Variants in PRTG observed in about 807,000 individuals in gnomAD.
PRTG encodes protogenin, also known as immunoglobulin superfamily, DCC subclass, member 5.
PRTG carries 67 observed loss-of-function variants against 122.5 expected under a neutral mutation model. The observed-to-expected ratio is 0.55, with a 90% CI of 0.45 to 0.67. The LOEUF (loss-of-function observed/expected upper bound fraction) is 0.67. PRTG is among the 30% of genes least tolerant of loss of function. The pLI, the probability that PRTG is intolerant of heterozygous loss-of-function variation, is 0.00. For missense variants in PRTG, 1,435 were observed against 1,415.4 expected (o/e 1.01, Z -0.22); for synonymous variants, 554 against 501.1 (o/e 1.11, Z -1.41).
intron 1 of PRTG, among the ~76,000 whole-genome samples, chr15:55,741,795 G>A (rs62043906): frequency 6.6e-6 from 1 of 152,140 alleles, no homozygotes; most frequent in South Asian, 2.1e-4. Flanking sequence ...AGGGCGACGC[G>A]AGCCACCCTA....
intron 4 of PRTG, 64 bp downstream of exon 4, chr15:55,682,300 G>C: frequency 1.5e-6 from 2 of 1,319,388 alleles, no homozygotes; most frequent in Middle Eastern, 4.1e-4. Flanking sequence ...TACAGCAGAG[G>C]AGAAGAAGTA....
In PRTG at chr15:55,637,234, A is replaced by C; in HGVS notation, c.2559T>G (p.Tyr853Ter). ...PDGPETVVTR[Y>*]TILYASRKAW... ...CCTTCCTAGATGCATATAAGATAGT[A>C]TAGCGGGTCACAACTGTTTCTGGGC... The change falls in exon 15 of 20, where the codon TAT becomes TAG. Residue 853 changes from tyrosine to a stop codon, truncating the protein, a stop_gained. Transcript: ENST00000389286. LOFTEE classifies it high-confidence loss of function. 6.2e-7 allele frequency: 1 copy of C among 1,614,074 alleles called. No individual in the cohort carries two copies. Among genetic ancestry groups the C allele is most frequent in the South Asian group, 1.1e-5 (1 of 91,054 alleles).
chr15:55,639,202 T>C (rs531611961), intron 13 of PRTG, among the ~76,000 whole-genome samples: 2 of 152,172 alleles, frequency 1.3e-5, no homozygotes, highest in African/African-American at 4.8e-5. Flanking sequence ...CTTAAACTTC[T>C]GACTTAAGCA....
chr15:55,729,255 G>A (rs956255696), intron 2 of PRTG, among the ~76,000 whole-genome samples: 1 of 152,176 alleles, frequency 6.6e-6, no homozygotes, highest in Non-Finnish European at 1.5e-5. Context: ...CTAAGTGTAG[G>A]AAGACAATCA....
chr15:55,736,173 G>A (rs1295280341), intron 2 of PRTG, among the ~76,000 whole-genome samples: 2 of 151,754 alleles, frequency 1.3e-5, no homozygotes, highest in African/African-American at 4.8e-5. Context: ...CTTGAATTAG[G>A]CCAGGTAACT....
chr15:55,645,073 A>T (rs1040204651), intron 11 of PRTG, among the ~76,000 whole-genome samples: 2 of 152,102 alleles, frequency 1.3e-5, no homozygotes, highest in Non-Finnish European at 2.9e-5. Flanking sequence ...TAATCCAGAG[A>T]CCCTGGAATA....
At chr15:55,718,718 T>C (rs1406600514) in intron 2 of PRTG, among the ~76,000 whole-genome samples, 1 of 152,144 alleles carries the variant, frequency 6.6e-6, no homozygotes, top group African/African-American at 2.4e-5. Context: ...GTCATGTTTA[T>C]GATAGGCCTC....
chr15:55,706,604 A>AAG (rs1329099667), intron 2 of PRTG, among the ~76,000 whole-genome samples: 2 of 144,252 alleles, frequency 1.4e-5, no homozygotes, highest in African/African-American at 5.0e-5. Context: ...AAAAAAAAAA[A>AAG]AAGTTGTTTT....
At chr15:55,717,270 A>G (rs77686839) in intron 2 of PRTG, among the ~76,000 whole-genome samples, 1 of 152,328 alleles carries the variant, frequency 6.6e-6, no homozygotes, top group Non-Finnish European at 1.5e-5. Context: ...GTTACAATGA[A>G]CCATTTCCTA....
chr15:55,634,838 C>CA lies in PRTG; in HGVS notation c.2623+2331dup, dbSNP rs879327163. Among the ~76,000 whole-genome samples the CA allele has an allele frequency of 1.0e-3, 142 of 135,704 alleles. 1 individual carries two copies. The highest frequency in any genetic ancestry group is 3.7e-3 in the Middle Eastern group (1 of 272). The allele number at this position is 135,704 out of a possible 152,430, so 89.0% of individuals were successfully genotyped here. On this transcript the variant is annotated intron_variant, in intron 15 of 19. Coordinates refer to ENST00000389286, the MANE Select transcript of PRTG (RefSeq NM_173814.6). ...GGGCAACAGAGCGAGACTCCGTCTC[C>CA]AAAAAAAAAAAAGAATACTGTGGTA... is the stretch of plus-strand genomic sequence containing the variant.
Position 55,703,528 on chromosome 15 carries a change from T to C in PRTG, c.398-19597A>G, listed in dbSNP as rs568904247. Among the ~76,000 whole-genome samples the C allele has an allele frequency of 1.2e-4, 19 of 152,174 alleles. No homozygotes were observed. In the South Asian group the frequency reaches 3.1e-3, roughly 25 times the overall value. The stretch of plus-strand genomic sequence containing the variant: ...TGATAAGAGGAAGAGTCTGTGTTGG[T>C]AGGAATTTAAAGAAGAGGTTAAAAA... On this transcript the variant is annotated intron_variant, in intron 2 of 19. Coordinates refer to ENST00000389286, the MANE Select transcript of PRTG (RefSeq NM_173814.6).
chr15:55,663,743 C>T (rs559401033), intron 11 of PRTG, among the ~76,000 whole-genome samples: 16 of 151,948 alleles, frequency 1.1e-4, no homozygotes, highest in Non-Finnish European at 2.1e-4. Context: ...GGTTTCACCA[C>T]GTTGGCCAGA....
intron 8 of PRTG, among the ~76,000 whole-genome samples, chr15:55,676,602 C>T (rs545348250): frequency 6.6e-6 from 1 of 152,300 alleles, no homozygotes; most frequent in South Asian, 2.1e-4. Context: ...TCACAACAGA[C>T]TGGCTAATGG....
chr15:55,648,376 G>C (rs2059335471), intron 11 of PRTG, among the ~76,000 whole-genome samples: 1 of 152,204 alleles, frequency 6.6e-6, no homozygotes, highest in African/African-American at 2.4e-5. Context: ...TCAACAACTT[G>C]CTTAATTCCA....
At chr15:55,707,427 T>G (rs1369115557) in intron 2 of PRTG, among the ~76,000 whole-genome samples, 1 of 152,232 alleles carries the variant, frequency 6.6e-6, no homozygotes, top group African/African-American at 2.4e-5. Context: ...ACTCTATGCC[T>G]GTTAAAGGTC....
Position 55,680,245 on chromosome 15 carries a change from T to C in PRTG, c.815-33A>G, listed in dbSNP as rs137866506. On this transcript the variant is annotated intron_variant, in intron 5 of 19. Transcript: ENST00000389286. ...AAAGAGAATACTTCAGTTTAAACAA[T>C]GTAACAAATAACCTGAAATTATGTC... 5.8e-4 allele frequency: 893 copies of C among 1,527,890 alleles called. 6 individuals are homozygous for C. In the East Asian group the frequency reaches 0.017, roughly 29 times the overall value. 94.6% of individuals were successfully genotyped at this position (1,527,890 alleles called of 1,614,324 possible).
At chr15:55,659,614 T>C (rs1259383165) in intron 11 of PRTG, among the ~76,000 whole-genome samples, 2 of 152,122 alleles carry the variant, frequency 1.3e-5, no homozygotes, top group African/African-American at 4.8e-5. Context: ...ACTATAAAGC[T>C]TCCTAATGGG....
chr15:55,650,259 A>G (rs925059699), intron 11 of PRTG, among the ~76,000 whole-genome samples: 7 of 152,194 alleles, frequency 4.6e-5, no homozygotes. Context: ...AAGGGTAAAT[A>G]TAAGTACCAT....
chr15:55,679,392 T>C lies in PRTG; in HGVS notation c.1027A>G (p.Thr343Ala). 1.2e-6 allele frequency: 2 copies of C among 1,613,026 alleles called. No individual in the cohort carries two copies. Among genetic ancestry groups the C allele is most frequent in the Non-Finnish European group, 8.5e-7 (1 of 1,179,162 alleles). Residue 343 changes from threonine to alanine, a missense_variant, in exon 7 of 20, where the codon ACT (threonine) becomes GCT (alanine). Coordinates refer to ENST00000389286, the MANE Select transcript of PRTG (RefSeq NM_173814.6). ...TCTGCCTGACACACAAATCGAGCAGTGCCAGCTCGAGGCCTTGTTAAACTT... is the reference window on the plus strand; with the variant it reads ...TCTGCCTGACACACAAATCGAGCAGCGCCAGCTCGAGGCCTTGTTAAACTT... ...PESLTRPRAG[T>A]ARFVCQAEGI...
Sources: allele counts gnomAD v4.1 joint callset (sites outside exome capture counted in the v4.1 genomes callset), GRCh38; gene constraint gnomAD v4.1.1; transcripts MANE v1.5; gene names NCBI Gene and HGNC (gene_info 2026-07-23, HGNC 2026-07-21).